CATSPERB: variants seen among roughly 807,000 people sequenced by gnomAD.
The protein encoded by CATSPERB is cation channel sperm-associated auxiliary subunit beta.
CATSPERB carries 93 observed loss-of-function variants against 128.3 expected under a neutral mutation model. That is an observed-to-expected ratio of 0.72 (90% confidence interval 0.61 to 0.86). The LOEUF is 0.86. Among genes scored for constraint, CATSPERB ranks in the 40% least tolerant of loss-of-function variants. CATSPERB has a pLI of 0.00. For synonymous variants in CATSPERB, 381 were observed against 448.8 expected (o/e 0.85, Z 1.91); for missense variants, 1,153 against 1,329.5 (o/e 0.87, Z 2.06).
rs142992427 is a variant in CATSPERB, at chr14:91,692,744, T to C, written c.831+382A>G. Among the ~76,000 whole-genome samples the C allele has an allele frequency of 1.1e-4, 17 of 152,334 alleles. 1 individual carries two copies. The East Asian group carries it at 2.3e-3, about 21-fold the overall frequency. On this transcript the variant is annotated intron_variant, in intron 9 of 26. Transcript: ENST00000256343. ...CACCTAAACGTGTATTTCCCTTCGCTCAATCCCAATACTTACTTTTCACTT... is the reference window on the plus strand; with the variant it reads ...CACCTAAACGTGTATTTCCCTTCGCCCAATCCCAATACTTACTTTTCACTT...
At chr14:91,630,902 C>T (rs1894263345) in intron 17 of CATSPERB, among the ~76,000 whole-genome samples, 3 of 152,186 alleles carry the variant, frequency 2.0e-5, no homozygotes, top group Admixed American at 2.0e-4. Flanking sequence ...GACCTCCTTG[C>T]TGGCCTTTCC....
chr14:91,599,335 G>A (rs1225850247), intron 22 of CATSPERB, among the ~76,000 whole-genome samples: 2 of 152,022 alleles, frequency 1.3e-5, no homozygotes, highest in Admixed American at 6.6e-5. Flanking sequence ...CGAGGCGGGC[G>A]GATCACGAAG....
intron 7 of CATSPERB, 99 bp downstream of exon 7, chr14:91,704,453 C>A: frequency 2.4e-6 from 3 of 1,251,774 alleles, no homozygotes; most frequent in Admixed American, 2.5e-5. Flanking sequence ...AACAATTTTC[C>A]TTCCCTATGT....
chr14:91,690,509 T>G (rs1397635819), intron 10 of CATSPERB, among the ~76,000 whole-genome samples: 1 of 152,200 alleles, frequency 6.6e-6, no homozygotes, highest in Non-Finnish European at 1.5e-5. Flanking sequence ...CCTCCCAATG[T>G]CTTTGGGTGT....
At chr14:91,665,110 C>T (rs61245458) in intron 14 of CATSPERB, among the ~76,000 whole-genome samples, 43,773 of 151,860 alleles carry the variant, frequency 0.29, 6,433 homozygotes, top group Middle Eastern at 0.34. Flanking sequence ...CCAAGCTCGT[C>T]GCGAACTCCT....
rs183052917 is a variant in CATSPERB, at chr14:91,652,563, C to T, written c.1432+7274G>A. Among the ~76,000 whole-genome samples, 1,238 of 147,956 alleles carry T rather than the reference C, an allele frequency of 8.4e-3. 9 individuals carry two copies. Among genetic ancestry groups the T allele is most frequent in the Non-Finnish European group, 0.012 (797 of 67,172 alleles). On this transcript the variant is annotated intron_variant, in intron 15 of 26. Transcript: ENST00000256343. Reference sequence around the variant, plus strand: ...GCGGGTATCTGTAATCCCAGCTACTCGGGAGGCTGAGGCAGGAGAATCGCT... The same window carrying T: ...GCGGGTATCTGTAATCCCAGCTACTTGGGAGGCTGAGGCAGGAGAATCGCT...
intron 20 of CATSPERB, among the ~76,000 whole-genome samples, chr14:91,613,597 C>A (rs952153239): frequency 6.6e-6 from 1 of 152,156 alleles, no homozygotes; most frequent in Non-Finnish European, 1.5e-5. Flanking sequence ...GGAGATGCTG[C>A]CCACTGATTG....
chr14:91,609,206 T>C (rs981976201), intron 21 of CATSPERB, among the ~76,000 whole-genome samples: 1 of 152,214 alleles, frequency 6.6e-6, no homozygotes, highest in East Asian at 1.9e-4. Context: ...TCACCTTTTT[T>C]TTTTTGTAAT....
At chr14:91,639,854 C>T (rs998081479) in intron 15 of CATSPERB, among the ~76,000 whole-genome samples, 1 of 152,138 alleles carries the variant, frequency 6.6e-6, no homozygotes, top group Admixed American at 6.5e-5. Flanking sequence ...AATTTCTGCA[C>T]ACTGCATCCC....
chr14:91,694,993 T>A (rs1015360769), intron 7 of CATSPERB, among the ~76,000 whole-genome samples: 2 of 152,226 alleles, frequency 1.3e-5, no homozygotes, highest in Admixed American at 1.3e-4. Flanking sequence ...GTTTTAACTC[T>A]CAGCTCTTTT....
intron 20 of CATSPERB, among the ~76,000 whole-genome samples, chr14:91,616,027 A>C (rs1430299825): frequency 6.6e-6 from 1 of 151,698 alleles, no homozygotes; most frequent in African/African-American, 2.4e-5. Context: ...TTACAGGCGC[A>C]TGCCACCATG....
chr14:91,588,959 A>G lies in CATSPERB; in HGVS notation c.2956+575T>C, dbSNP rs140257585. Among the ~76,000 whole-genome samples, 78 of 152,356 alleles carry G rather than the reference A, an allele frequency of 5.1e-4. No homozygotes were observed. In the East Asian group the frequency reaches 0.012, roughly 24 times the overall value. ...TAATGGCTGACCAAAATTTCTGTTT[A>G]GTTAATTATTTCTATCTACCTACAT... On this transcript the variant is annotated intron_variant, in intron 24 of 26. Transcript: ENST00000256343.
rs764880922 is a variant in CATSPERB at position 91,729,493 on chromosome 14, T to C, written c.1-14A>G. On this transcript the variant is annotated splice_polypyrimidine_tract_variant and intron_variant, in intron 1 of 26. Transcript: ENST00000256343. ...TGGCGATTCCATCTGTTGGAATAAA[T>C]AAGAATTATTTTCACTCAATTTCTG... is the stretch of plus-strand genomic sequence containing the variant. The C allele has an allele frequency of 7.1e-6, 10 of 1,399,540 alleles. No individual in the cohort carries two copies. In the South Asian group the frequency reaches 1.3e-4, roughly 18 times the overall value. 86.7% of individuals were successfully genotyped at this position (1,399,540 alleles called of 1,614,324 possible).
chr14:91,722,555 A>G (rs1383813582), intron 4 of CATSPERB, among the ~76,000 whole-genome samples: 1 of 152,126 alleles, frequency 6.6e-6, no homozygotes, highest in Non-Finnish European at 1.5e-5. Context: ...TCACTTTTGG[A>G]GTGACTAAAG....
intron 6 of CATSPERB, among the ~76,000 whole-genome samples, chr14:91,706,574 G>A (rs1043668945): frequency 5.9e-5 from 9 of 152,162 alleles, no homozygotes; most frequent in African/African-American, 1.7e-4. Flanking sequence ...TTTGAGTAGC[G>A]TGGAGGAGAT....
intron 19 of CATSPERB, among the ~76,000 whole-genome samples, chr14:91,618,046 G>A (rs892391538): frequency 6.6e-6 from 1 of 152,204 alleles, no homozygotes; most frequent in Non-Finnish European, 1.5e-5. Flanking sequence ...CTACTCCATA[G>A]AGCTGGTGGT....
At chr14:91,652,973 T>C (rs768983829) in intron 15 of CATSPERB, among the ~76,000 whole-genome samples, 9 of 152,070 alleles carry the variant, frequency 5.9e-5, no homozygotes, top group East Asian at 1.9e-4. Flanking sequence ...TCTGGAGAAA[T>C]AGCATCAGGA....
intron 7 of CATSPERB, among the ~76,000 whole-genome samples, chr14:91,695,954 T>C (rs891448525): frequency 6.6e-6 from 1 of 152,190 alleles, no homozygotes; most frequent in Non-Finnish European, 1.5e-5. Context: ...TTCTGACCAA[T>C]TTAATACTAA....
At position 91,588,089 on chromosome 14, in the gene CATSPERB, A is replaced by T. The variant is rs1454850787; in HGVS notation, c.2957-11T>A. 1 of 1,509,824 alleles carries T rather than the reference A, an allele frequency of 6.6e-7. No homozygotes were observed. Among genetic ancestry groups the T allele is most frequent in the East Asian group, 2.3e-5 (1 of 44,068 alleles). The allele number at this position is 1,509,824 out of a possible 1,614,324, so 93.5% of individuals were successfully genotyped here. On this transcript the variant is annotated splice_polypyrimidine_tract_variant and intron_variant, in intron 24 of 26. Coordinates refer to ENST00000256343, the MANE Select transcript of CATSPERB (RefSeq NM_024764.4). The stretch of plus-strand genomic sequence containing the variant: ...CTGGCACAGTGTGTTCTAAAAATAC[A>T]TAAAACATATTTTAAGCACACTTAT...
Sources: gnomAD v4.1 joint callset for allele counts (sites outside exome capture counted in the v4.1 genomes callset) on GRCh38, gnomAD v4.1.1 for gene constraint, MANE v1.5 for transcripts, NCBI Gene and HGNC (gene_info 2026-07-23, HGNC 2026-07-21) for gene names.